Variants in CNN3 observed in about 807,000 individuals in gnomAD.
CNN3 encodes the protein calponin-3.
A neutral mutation model predicts 39.0 loss-of-function variants in CNN3; 11 were observed. That is an observed-to-expected ratio of 0.28 (90% CI 0.18 to 0.47). The LOEUF is 0.47. Among genes scored for constraint, CNN3 ranks in the 20% least tolerant of loss-of-function variants. The pLI is 0.99. For missense variants in CNN3, 266 were observed against 403.4 expected (o/e 0.66, Z 2.92); for synonymous variants, 101 against 138.3 (o/e 0.73, Z 1.89).
intron 1 of CNN3, among the ~76,000 whole-genome samples, chr1:94,907,595 T>C (rs963721186): frequency 1.3e-5 from 2 of 152,226 alleles, no homozygotes; most frequent in African/African-American, 2.4e-5. Context: ...GCGCAGTGGC[T>C]CACGCCTGTA....
intron 6 of CNN3, among the ~76,000 whole-genome samples, 158 bp from the exon 7 acceptor site, chr1:94,898,241 C>T (rs893183715): frequency 4.6e-5 from 7 of 152,106 alleles, no homozygotes; most frequent in African/African-American, 1.7e-4. Flanking sequence ...ATCCTGATAC[C>T]GAATCACTTC....
intron 1 of CNN3, among the ~76,000 whole-genome samples, chr1:94,912,776 G>A (rs1266835553): frequency 2.0e-5 from 3 of 152,276 alleles, no homozygotes; most frequent in South Asian, 4.2e-4. Context: ...TTTTATGGGC[G>A]TCACATCTCC....
chr1:94,922,221 C>G (rs961391062), intron 1 of CNN3, among the ~76,000 whole-genome samples: 1 of 152,170 alleles, frequency 6.6e-6, no homozygotes, highest in Non-Finnish European at 1.5e-5. Context: ...TCAAGACCAA[C>G]CTGGGCAACA....
chr1:94,926,397 C>T lies in CNN3; in HGVS notation c.57+441G>A, dbSNP rs1052359542. ...GGGGAGGCGCGGAGTCCGCCAGCAC[C>T]CGGGGCCCGGGCAGATGGCGGGGGC... On this transcript the variant is annotated intron_variant, in intron 1 of 6. Transcript: ENST00000370206. This position sits in a 1 kb window ranked among gnomAD's most constrained non-coding sequence, Gnocchi z 4.2. 6.6e-6 allele frequency among the ~76,000 whole-genome samples: 1 copy of T among 152,204 alleles called. No individual in the cohort carries two copies. The highest frequency in any genetic ancestry group is 6.5e-5 in the Admixed American group (1 of 15,288).
At chr1:94,901,578 C>G in intron 5 of CNN3, 91 bp downstream of exon 5, 2 of 814,428 alleles carry the variant, frequency 2.5e-6, no homozygotes, top group Non-Finnish European at 2.1e-6. Context: ...TATAGTACTT[C>G]TGTCTATTCT....
chr1:94,914,327 C>T (rs570746927), intron 1 of CNN3, among the ~76,000 whole-genome samples: 5 of 152,216 alleles, frequency 3.3e-5, no homozygotes, highest in African/African-American at 7.2e-5. Context: ...TCAGCAAGCC[C>T]GCTCCATAGG....
intron 1 of CNN3, among the ~76,000 whole-genome samples, chr1:94,920,379 C>T (rs1035157507): frequency 1.3e-5 from 2 of 152,036 alleles, no homozygotes; most frequent in Admixed American, 6.6e-5. Context: ...CAAACAGATT[C>T]GTGAATGAAT....
intron 1 of CNN3, among the ~76,000 whole-genome samples, chr1:94,922,804 A>T (rs1279389162): frequency 1.3e-5 from 2 of 152,232 alleles, no homozygotes; most frequent in African/African-American, 4.8e-5. Context: ...TGATTGTTTA[A>T]CTTCAACAAC....
In CNN3 at chr1:94,927,074, C is replaced by CT. The variant is rs1442839078; in HGVS notation, c.-181dup. ...CTGGGCGACTGGGTCCAACTGGGTG[C>CT]TACAGAGCCTCGAGCTCCGCTGCGA... On this transcript the variant is annotated 5_prime_UTR_variant, in exon 1 of 7. Transcript: ENST00000370206. 5.2e-6 allele frequency: 3 copies of CT among 576,380 alleles called. No homozygotes were observed. In the African/African-American group the frequency reaches 6.0e-5, roughly 12 times the overall value. 35.7% of individuals were successfully genotyped at this position (576,380 alleles called of 1,614,324 possible). A position where few individuals can be genotyped will look rare whatever the true frequency, so the allele number is the denominator to read the frequency against.
intron 5 of CNN3, 62 bp from the exon 6 acceptor site, chr1:94,899,579 C>T (rs758780086): frequency 1.3e-5 from 20 of 1,525,808 alleles, no homozygotes; most frequent in Non-Finnish European, 1.7e-5. Context: ...ACAACACAAA[C>T]AAAACTTTCC....
chr1:94,916,111 T>C (rs780171736), intron 1 of CNN3, among the ~76,000 whole-genome samples: 11 of 152,188 alleles, frequency 7.2e-5, no homozygotes, highest in Non-Finnish European at 1.0e-4. Flanking sequence ...CTGTTTGTCA[T>C]TTATTTCATG....
At chr1:94,901,572 G>C in intron 5 of CNN3, 97 bp downstream of exon 5, 2 of 775,556 alleles carry the variant, frequency 2.6e-6, no homozygotes, top group Non-Finnish European at 4.4e-6. Context: ...CAGTACTATA[G>C]TACTTCTGTC....
intron 5 of CNN3, 134 bp from the exon 6 acceptor site, chr1:94,899,651 C>G (rs1018151052): frequency 9.5e-6 from 8 of 845,464 alleles, no homozygotes; most frequent in Admixed American, 3.1e-5. Context: ...CTCCAGTCAA[C>G]TCTTCTATGT....
chr1:94,921,350 G>C (rs3789712), intron 1 of CNN3, among the ~76,000 whole-genome samples: 1 of 151,860 alleles, frequency 6.6e-6, no homozygotes, highest in East Asian at 1.9e-4. Context: ...AGCCGAGATC[G>C]TACGACCTCA....
intron 1 of CNN3, among the ~76,000 whole-genome samples, chr1:94,922,582 GA>G (rs1488952114): frequency 6.6e-6 from 1 of 152,078 alleles, no homozygotes; most frequent in East Asian, 1.9e-4. Context: ...AGTTTAAAAA[GA>G]AAAAAGCTAA....
chr1:94,903,553 GA>G, intron 1 of CNN3, 29 bp from the exon 2 acceptor site: 1 of 1,612,970 alleles, frequency 6.2e-7, no homozygotes, highest in Non-Finnish European at 8.5e-7. Context: ...CACTTTAGAA[GA>G]ATTTCACAAA....
At chr1:94,921,564 A>C (rs1671445054) in intron 1 of CNN3, among the ~76,000 whole-genome samples, 1 of 152,186 alleles carries the variant, frequency 6.6e-6, no homozygotes, top group African/African-American at 2.4e-5. Flanking sequence ...AGGAGGCAGG[A>C]AACACTAACC....
chr1:94,910,791 T>G (rs1342240288), intron 1 of CNN3, among the ~76,000 whole-genome samples: 1 of 152,158 alleles, frequency 6.6e-6, no homozygotes, highest in Non-Finnish European at 1.5e-5. Flanking sequence ...CACAACAGCA[T>G]GCACGCCCTC....
At chr1:94,920,885 T>C (rs1399798094) in intron 1 of CNN3, among the ~76,000 whole-genome samples, 2 of 152,220 alleles carry the variant, frequency 1.3e-5, no homozygotes, top group Non-Finnish European at 2.9e-5. Context: ...AACCTGGATC[T>C]ACCTATGAGT....
Sources: gnomAD v4.1 joint callset for allele counts (sites outside exome capture counted in the v4.1 genomes callset) on GRCh38, gnomAD v4.1.1 for gene constraint, Gnocchi (gnomAD v3.1) non-coding constraint, MANE v1.5 for transcripts, NCBI Gene and HGNC (gene_info 2026-07-23, HGNC 2026-07-21) for gene names.